The following WDR27 variants were observed in gnomAD, a reference collection of about 807,000 sequenced individuals.
WDR27 encodes WD repeat domain 27.
A neutral mutation model predicts 114.4 loss-of-function variants in WDR27; 100 were observed. That is an observed-to-expected ratio of 0.87 (90% CI 0.74 to 1.03). The LOEUF (loss-of-function observed/expected upper bound fraction) is 1.03. Ranked by LOEUF, WDR27 falls within the 50% of genes least tolerant of loss-of-function variation. The pLI, the probability that WDR27 is intolerant of heterozygous loss-of-function variation, is 0.00. For missense variants in WDR27, 1,129 were observed against 1,092.9 expected (o/e 1.03, Z -0.47); for synonymous variants, 449 against 423.1 (o/e 1.06, Z -0.75).
chr6:169,649,210 C>A lies in WDR27; in HGVS notation c.1547G>T (p.Ser516Ile). The change falls in exon 15 of 26, where the codon AGC (serine) becomes ATC (isoleucine). Residue 516 changes from serine to isoleucine, a missense_variant. Physicochemically the swap from Ser to Ile is moderately radical, Grantham distance 142. Coordinates refer to ENST00000448612, the MANE Select transcript of WDR27 (RefSeq NM_182552.5). ...SEGKGSSRSR[S>I]SCAREAYPVE... ...CTACATCACACACCGTGCGCAGCTG[C>A]TCCTGCTCCTTGAAGATCCTTTCCC... 1 of 1,574,106 alleles carries A rather than the reference C, an allele frequency of 6.4e-7. No homozygotes were observed. Among genetic ancestry groups the A allele is most frequent in the East Asian group, 2.3e-5 (1 of 43,178 alleles).
chr6:169,590,889 A>T (rs1419603001), intron 23 of WDR27, among the ~76,000 whole-genome samples: 2 of 152,156 alleles, frequency 1.3e-5, no homozygotes, highest in East Asian at 3.8e-4. Context: ...TTCCCCTGAG[A>T]CGGACATTTA....
At chr6:169,650,820 G>A (rs963972672) in intron 14 of WDR27, among the ~76,000 whole-genome samples, 3 of 143,222 alleles carry the variant, frequency 2.1e-5, no homozygotes, top group East Asian at 2.2e-4. Flanking sequence ...ATGCACACAC[G>A]CATCCATCTC....
chr6:169,624,189 A>G (rs1303323924), intron 21 of WDR27, among the ~76,000 whole-genome samples: 2 of 148,472 alleles, frequency 1.3e-5, no homozygotes, highest in African/African-American at 2.5e-5. Flanking sequence ...AGCGTGTGGC[A>G]TCAGGTGTGC....
chr6:169,471,646 A>C (rs1786410382), intron 25 of WDR27, among the ~76,000 whole-genome samples: 1 of 152,228 alleles, frequency 6.6e-6, no homozygotes, highest in Non-Finnish European at 1.5e-5. Context: ...TATTAGAGTA[A>C]GTATTCCCTG....
intron 23 of WDR27, among the ~76,000 whole-genome samples, chr6:169,589,723 T>C (rs1283403699): frequency 6.6e-6 from 1 of 152,206 alleles, no homozygotes; most frequent in Non-Finnish European, 1.5e-5. Context: ...GTGTCATAAA[T>C]ACAGAAGGAC....
the WDR27 span, among the ~76,000 whole-genome samples, chr6:169,450,883 G>A: frequency 6.6e-6 from 1 of 152,176 alleles, no homozygotes; most frequent in Non-Finnish European, 1.5e-5. Flanking sequence ...GACACCAGAT[G>A]AGTGCTTCCG....
intron 21 of WDR27, among the ~76,000 whole-genome samples, chr6:169,616,669 C>A (rs1811896435): frequency 6.6e-6 from 1 of 152,080 alleles, no homozygotes; most frequent in Admixed American, 6.6e-5. Context: ...ACCAAATAGT[C>A]AGCAAAACCA....
intron 25 of WDR27, among the ~76,000 whole-genome samples, chr6:169,503,325 G>C (rs181999755): frequency 3.0e-4 from 46 of 152,334 alleles, no homozygotes; most frequent in African/African-American, 1.0e-3. Flanking sequence ...TACAACATAA[G>C]AGAATGTTGT....
intron 22 of WDR27, among the ~76,000 whole-genome samples, chr6:169,608,492 A>G (rs1162544026): frequency 1.3e-5 from 2 of 152,228 alleles, no homozygotes; most frequent in African/African-American, 4.8e-5. Flanking sequence ...GTCCCATCTT[A>G]CATGAATGGC....
At chr6:169,607,715 G>A (rs1205929242) in intron 22 of WDR27, among the ~76,000 whole-genome samples, 2 of 152,050 alleles carry the variant, frequency 1.3e-5, no homozygotes, top group Non-Finnish European at 2.9e-5. Flanking sequence ...TAAAAGCCCG[G>A]ACTTCACCAC....
In WDR27 at chr6:169,684,169, A is replaced by G. The variant is rs1381323114; in HGVS notation, c.189+4648T>C. ...AACCCTCGCCACTGCACTTCCAGCC[A>G]GAGAAACAACCCAGCACTCCTGCCA... On this transcript the variant is annotated intron_variant, in intron 2 of 25. Coordinates refer to ENST00000448612, the MANE Select transcript of WDR27 (RefSeq NM_182552.5). This position sits in a 1 kb window ranked among gnomAD's most constrained non-coding sequence, Gnocchi z 4.3. 6.6e-6 allele frequency among the ~76,000 whole-genome samples: 1 copy of G among 152,100 alleles called. No individual in the cohort carries two copies. The highest frequency in any genetic ancestry group is 1.5e-5 in the Non-Finnish European group (1 of 68,012).
chr6:169,679,523 C>T (rs558368212), intron 2 of WDR27, among the ~76,000 whole-genome samples: 5 of 152,062 alleles, frequency 3.3e-5, no homozygotes, highest in East Asian at 1.9e-4. Context: ...TGGGTCATGC[C>T]GGCTGATCCC....
At chr6:169,501,508 G>GA (rs1482798040) in intron 25 of WDR27, among the ~76,000 whole-genome samples, 1 of 152,190 alleles carries the variant, frequency 6.6e-6, no homozygotes, top group East Asian at 1.9e-4. Flanking sequence ...CACAAAGCCA[G>GA]AAACAAAAGA....
intron 25 of WDR27, among the ~76,000 whole-genome samples, chr6:169,545,175 A>C (rs559103004): frequency 6.6e-6 from 1 of 152,326 alleles, no homozygotes; most frequent in Non-Finnish European, 1.5e-5. Flanking sequence ...CACACTAATC[A>C]AGACAGTATG....
chr6:169,653,263 CA>C (rs1823099511), intron 13 of WDR27, among the ~76,000 whole-genome samples: 1 of 152,014 alleles, frequency 6.6e-6, no homozygotes, highest in South Asian at 2.1e-4. Context: ...TCAAGGTTTC[CA>C]AAAATTTTTT....
the WDR27 span, among the ~76,000 whole-genome samples, chr6:169,445,006 A>G: frequency 6.6e-6 from 1 of 152,180 alleles, no homozygotes; most frequent in Non-Finnish European, 1.5e-5. Context: ...ACAGGTAAAG[A>G]GCTTAGAAGA....
In WDR27 at chr6:169,647,849, G is replaced by A. The variant is rs553983503; in HGVS notation, c.1581C>T (p.Cys527=). 68 of 1,572,980 alleles carry A rather than the reference G, an allele frequency of 4.3e-5. No individual in the cohort carries two copies. The East Asian group carries it at 1.1e-3, about 26-fold the overall frequency. Reference sequence around the variant, plus strand: ...GGGGGCCGGGCTTGGTGGGCACAGCGCACTCCACGGGGTATGCCTCCCTGA... The same window carrying A: ...GGGGGCCGGGCTTGGTGGGCACAGCACACTCCACGGGGTATGCCTCCCTGA... ...SCAREAYPVE[C]AVPTKPGPQV... The change falls in exon 16 of 26, where the codon TGC becomes TGT. Residue 527 remains cysteine, a synonymous_variant. Coordinates refer to ENST00000448612, the MANE Select transcript of WDR27 (RefSeq NM_182552.5).
In WDR27 at chr6:169,634,472, G is replaced by T; in HGVS notation, c.2057C>A (p.Ala686Glu). 1 of 1,613,270 alleles carries T rather than the reference G, an allele frequency of 6.2e-7. No individual in the cohort carries two copies. The highest frequency in any genetic ancestry group is 8.5e-7 in the Non-Finnish European group (1 of 1,179,624). Residue 686 changes from alanine (A) to glutamate (E), a missense_variant, in exon 20 of 26, where the codon GCA (alanine) becomes GAA (glutamate). Coordinates refer to ENST00000448612, the MANE Select transcript of WDR27 (RefSeq NM_182552.5). Reference sequence around the variant, plus strand: ...TGCCGATAAACTGGTCATGTCTACTGCACCCGTCGTGGAGAGCCTGCAAAT... The same window carrying T: ...TGCCGATAAACTGGTCATGTCTACTTCACCCGTCGTGGAGAGCCTGCAAAT... ...KLICRLSTTG[A>E]VDMTSLSAVN... is the part of the protein sequence containing the mutation.
chr6:169,458,886 A>G (rs1223582143), intron 25 of WDR27, among the ~76,000 whole-genome samples: 2 of 152,218 alleles, frequency 1.3e-5, no homozygotes, highest in Admixed American at 6.5e-5. Context: ...TTTGAAGTTT[A>G]TATCTGAGGC....
Sources: allele counts gnomAD v4.1 joint callset (sites outside exome capture counted in the v4.1 genomes callset), GRCh38; gene constraint gnomAD v4.1.1; non-coding constraint Gnocchi (gnomAD v3.1); transcripts MANE v1.5; gene names NCBI Gene and HGNC (gene_info 2026-07-23, HGNC 2026-07-21).